The following GRIA4 variants were observed in gnomAD, a reference collection of about 807,000 sequenced individuals.
GRIA4 encodes glutamate receptor 4.
A neutral mutation model predicts 104.0 loss-of-function variants in GRIA4; 34 were observed. The ratio of observed to expected loss-of-function variants is 0.33; its 90% CI spans 0.25 to 0.44. GRIA4 has a LOEUF of 0.44. Ranked by LOEUF, GRIA4 falls within the 20% of genes least tolerant of loss-of-function variation. The probability of loss-of-function intolerance (pLI) is 1.00; values close to 1 mark genes in which losing one functional copy is unlikely to be tolerated. For synonymous variants in GRIA4, 386 were observed against 381.9 expected (o/e 1.01, Z -0.13); for missense variants, 750 against 1,096.5 (o/e 0.68, Z 4.46).
At chr11:105,811,272 C>G (rs148061660) in intron 4 of GRIA4, among the ~76,000 whole-genome samples, 1 of 152,304 alleles carries the variant, frequency 6.6e-6, no homozygotes, top group Admixed American at 6.5e-5. Flanking sequence ...ATGTCCTTCA[C>G]CAGTCTTAGA....
intron 4 of GRIA4, among the ~76,000 whole-genome samples, chr11:105,789,309 G>A (rs1216026773): frequency 6.6e-6 from 1 of 151,964 alleles, no homozygotes; most frequent in Non-Finnish European, 1.5e-5. Flanking sequence ...GACCACTGAG[G>A]GTAGAGTCTC....
At chr11:105,640,694 T>C (rs1951334638) in intron 3 of GRIA4, among the ~76,000 whole-genome samples, 1 of 152,024 alleles carries the variant, frequency 6.6e-6, no homozygotes, top group Non-Finnish European at 1.5e-5. Flanking sequence ...ATTTCTATTT[T>C]AAAGGTTCTT....
intron 4 of GRIA4, among the ~76,000 whole-genome samples, chr11:105,834,140 A>G (rs944531126): frequency 6.6e-6 from 1 of 152,038 alleles, no homozygotes; most frequent in Non-Finnish European, 1.5e-5. Context: ...AAATGAGAGA[A>G]TTGACAGAGG....
In GRIA4 at chr11:105,981,432, G is replaced by A. The variant is rs1420014372; in HGVS notation, c.*1693G>A. ...CATTAGATGGGCTACTGAGAGTACA[G>A]GGATATTATGGAAGATAAAGTTGGA... On this transcript the variant is annotated 3_prime_UTR_variant, in exon 17 of 17. Transcript: ENST00000282499. The A allele has an allele frequency of 6.6e-6, 1 of 152,528 alleles. No homozygotes were observed. Among genetic ancestry groups the A allele is most frequent in the Non-Finnish European group, 1.5e-5 (1 of 68,040 alleles). 9.4% of individuals were successfully genotyped at this position (152,528 alleles called of 1,614,324 possible).
chr11:105,911,984 T>C, intron 10 of GRIA4: 2 of 1,438,904 alleles, frequency 1.4e-6, no homozygotes, highest in East Asian at 2.6e-5. Context: ...GTGTAGTAAA[T>C]TTAAGCTTAT....
At chr11:105,740,193 T>G (rs186397147) in intron 3 of GRIA4, among the ~76,000 whole-genome samples, 2 of 152,356 alleles carry the variant, frequency 1.3e-5, no homozygotes, top group Admixed American at 6.5e-5. Flanking sequence ...TGATTATAAT[T>G]GGTTTCTTCA....
rs372784635 is a variant in GRIA4, at chr11:105,852,283, T to A, written c.488-9741T>A. Among the ~76,000 whole-genome samples, 366 of 152,310 alleles carry A rather than the reference T, an allele frequency of 2.4e-3. 3 individuals carry two copies. The highest frequency in any genetic ancestry group is 8.4e-3 in the African/African-American group (350 of 41,570). On this transcript the variant is annotated intron_variant, in intron 4 of 16. Transcript: ENST00000282499. The stretch of plus-strand genomic sequence containing the variant: ...TTTCCCAGAGTTGTAGGGATGAATT[T>A]CTTTACCTATGAAGAATCCGCAATC...
chr11:105,955,366 A>T (rs1194536830), intron 14 of GRIA4, among the ~76,000 whole-genome samples: 1 of 152,062 alleles, frequency 6.6e-6, no homozygotes, highest in Non-Finnish European at 1.5e-5. Context: ...GAGTGAGAAC[A>T]TGTGGTGTTT....
intron 14 of GRIA4, among the ~76,000 whole-genome samples, chr11:105,958,169 A>T (rs1760448641): frequency 6.6e-6 from 1 of 152,166 alleles, no homozygotes; most frequent in Non-Finnish European, 1.5e-5. Flanking sequence ...GTGGTGAGAG[A>T]GGGCACCCCT....
At chr11:105,797,965 T>G (rs1942557635) in intron 4 of GRIA4, 6 of 364,556 alleles carry the variant, frequency 1.6e-5, no homozygotes, top group Non-Finnish European at 2.2e-5. Context: ...ATCTATGTAT[T>G]CATTTATTGA....
At chr11:105,675,700 T>G (rs897316222) in intron 3 of GRIA4, among the ~76,000 whole-genome samples, 4 of 151,812 alleles carry the variant, frequency 2.6e-5, no homozygotes, top group Non-Finnish European at 5.9e-5. Flanking sequence ...TCTGTAATGG[T>G]TGATTGCCTG....
At chr11:105,699,017 C>T (rs1953389521) in intron 3 of GRIA4, among the ~76,000 whole-genome samples, 1 of 152,200 alleles carries the variant, frequency 6.6e-6, no homozygotes, top group African/African-American at 2.4e-5. Flanking sequence ...ATCCTAACTT[C>T]CTACAACTAT....
rs144689624 is a variant in GRIA4, at chr11:105,810,162, T to G, written c.488-51862T>G. Among the ~76,000 whole-genome samples the G allele has an allele frequency of 3.3e-3, 509 of 152,288 alleles. 4 individuals carry two copies. Among genetic ancestry groups the G allele is most frequent in the African/African-American group, 0.012 (480 of 41,574 alleles). ...TCATCTGTCCAGCATGGAGTTCTAC[T>G]TAAGGTCTCCATGTTAGAACAGCTT... On this transcript the variant is annotated intron_variant, in intron 4 of 16. Coordinates refer to ENST00000282499, the MANE Select transcript of GRIA4 (RefSeq NM_000829.4).
chr11:105,795,125 T>C (rs533300467), intron 4 of GRIA4, among the ~76,000 whole-genome samples: 1 of 152,292 alleles, frequency 6.6e-6, no homozygotes, highest in African/African-American at 2.4e-5. Flanking sequence ...GTGCGCTGCA[T>C]AACTGGTTAC....
intron 5 of GRIA4, 110 bp from the exon 6 acceptor site, chr11:105,887,409 A>AT: frequency 1.9e-6 from 1 of 534,012 alleles, no homozygotes; most frequent in Non-Finnish European, 3.3e-6. Context: ...AAAAACTATC[A>AT]TTTTCCCATC....
intron 14 of GRIA4, among the ~76,000 whole-genome samples, chr11:105,937,231 T>C (rs182016306): frequency 2.0e-5 from 3 of 152,274 alleles, no homozygotes; most frequent in Admixed American, 2.0e-4. Flanking sequence ...AAAGAGGAAG[T>C]ATATTTATTT....
chr11:105,950,944 C>T lies in GRIA4; in HGVS notation c.2294+16975C>T, dbSNP rs543850729. Among the ~76,000 whole-genome samples, 37 of 152,172 alleles carry T rather than the reference C, an allele frequency of 2.4e-4. 1 individual carries two copies. The South Asian group carries it at 7.7e-3, about 32-fold the overall frequency. On this transcript the variant is annotated intron_variant, in intron 14 of 16. Coordinates refer to ENST00000282499, the MANE Select transcript of GRIA4 (RefSeq NM_000829.4). ...CTGGTACTGTAGGAAGAACACTGGA[C>T]CAGAAGGCAGAAGACCTGTGCCCCA...
At chr11:105,803,106 A>C (rs1942792248) in intron 4 of GRIA4, among the ~76,000 whole-genome samples, 1 of 152,006 alleles carries the variant, frequency 6.6e-6, no homozygotes, top group Admixed American at 6.6e-5. Context: ...TATTACATTA[A>C]TATCTCCGTG....
At chr11:105,885,378 G>T (rs752112783) in intron 5 of GRIA4, among the ~76,000 whole-genome samples, 24 of 152,162 alleles carry the variant, frequency 1.6e-4, no homozygotes, top group Non-Finnish European at 3.1e-4. Context: ...CTCAAGGAAA[G>T]TTCTATTTTA....
Sources: allele counts gnomAD v4.1 joint callset (sites outside exome capture counted in the v4.1 genomes callset), GRCh38; gene constraint gnomAD v4.1.1; transcripts MANE v1.5; gene names NCBI Gene and HGNC (gene_info 2026-07-23, HGNC 2026-07-21).